The following WDPCP variants were observed in gnomAD, a reference collection of about 807,000 sequenced individuals.
The protein encoded by WDPCP is WD repeat-containing and planar cell polarity effector protein fritz homolog.
Under a neutral mutation model 93.1 loss-of-function variants are expected in WDPCP, and 71 were observed. The observed-to-expected ratio is 0.76, with a 90% CI of 0.63 to 0.93. The LOEUF (loss-of-function observed/expected upper bound fraction) is 0.93. Ranked by LOEUF, WDPCP falls within the 40% of genes least tolerant of loss-of-function variation. The pLI is 0.00. For synonymous variants in WDPCP, 315 were observed against 315.0 expected, an observed-to-expected ratio of 1.00 and a Z score of 0.00; for missense variants, 844 against 887.4, an observed-to-expected ratio of 0.95 and a Z score of 0.62.
Position 63,594,345 on chromosome 2 carries a change from T to C in WDPCP, n.488+56314A>G, listed in dbSNP as rs748080772. 6.6e-6 allele frequency: 5 copies of C among 762,058 alleles called. No individual in the cohort carries two copies. In the East Asian group the frequency reaches 1.0e-4, roughly 15 times the overall value. 47.2% of individuals were successfully genotyped at this position (762,058 alleles called of 1,614,324 possible). ...CCACGTAAATATGCAGCACATTCAT[T>C]TTCTACTGAGCCAGATGCAAAAGGA... On this transcript the variant is annotated intron_variant and non_coding_transcript_variant, in intron 3 of 4. Transcript: ENST00000467687.
intron 12 of WDPCP, among the ~76,000 whole-genome samples, chr2:63,344,126 C>T (rs1029749504): frequency 4.6e-5 from 7 of 152,008 alleles, no homozygotes; most frequent in Non-Finnish European, 1.0e-4. Context: ...AATGTTATAA[C>T]TCTGGAAATC....
At chr2:63,300,705 T>A (rs1301635108) in intron 13 of WDPCP, among the ~76,000 whole-genome samples, 1 of 152,240 alleles carries the variant, frequency 6.6e-6, no homozygotes, top group Non-Finnish European at 1.5e-5. Context: ...AGAGAATGTC[T>A]AGTAACTGGG....
intron 2 of WDPCP, among the ~76,000 whole-genome samples, chr2:63,797,689 T>C (rs1303919008): frequency 6.6e-6 from 1 of 150,764 alleles, no homozygotes; most frequent in Non-Finnish European, 1.5e-5. Flanking sequence ...ATCTAGAAAA[T>C]AGGCTCAAAA....
At chr2:63,466,625 T>C (rs959529706) in intron 6 of WDPCP, among the ~76,000 whole-genome samples, 2 of 152,210 alleles carry the variant, frequency 1.3e-5, no homozygotes, top group Non-Finnish European at 2.9e-5. Context: ...ATTAAAGTCT[T>C]CTCATTAGCT....
intron 2 of WDPCP, among the ~76,000 whole-genome samples, chr2:63,807,639 C>T (rs912044098): frequency 6.6e-6 from 1 of 152,190 alleles, no homozygotes; most frequent in Non-Finnish European, 1.5e-5. Flanking sequence ...TTACTAATCT[C>T]TCACAAACAT....
chr2:63,575,534 A>ATAGTATATACAGTGTATG lies in WDPCP; in HGVS notation c.75+12662_75+12663insCATACACTGTATATACTA, dbSNP rs1558833675. On this transcript the variant is annotated intron_variant, in intron 1 of 17. Coordinates refer to ENST00000272321, the MANE Select transcript of WDPCP (RefSeq NM_015910.7). ...TGTATATATAGTATATACAGTATAT[A>ATAGTATATACAGTGTATG]CACTGTATATATAGTATATACAGTA... Among the ~76,000 whole-genome samples the ATAGTATATACAGTGTATG allele has an allele frequency of 6.8e-4, 16 of 23,632 alleles. 5 individuals are homozygous for ATAGTATATACAGTGTATG. The highest frequency in any genetic ancestry group is 2.4e-3 in the South Asian group (1 of 422). 15.5% of individuals were successfully genotyped at this position (23,632 alleles called of 152,430 possible).
chr2:63,461,358 C>T (rs1698995411), intron 6 of WDPCP, among the ~76,000 whole-genome samples: 1 of 152,026 alleles, frequency 6.6e-6, no homozygotes, highest in Admixed American at 6.6e-5. Context: ...GTAGCACCTC[C>T]CATCCCTACT....
chr2:63,567,140 A>G (rs78148195), intron 1 of WDPCP, among the ~76,000 whole-genome samples: 2,454 of 152,304 alleles, frequency 0.016, 77 homozygotes, highest in African/African-American at 0.056. Context: ...TAGTGGCGTT[A>G]AAGGTTTCAT....
At chr2:63,195,015 A>G (rs763391540) in intron 14 of WDPCP, among the ~76,000 whole-genome samples, 1 of 152,166 alleles carries the variant, frequency 6.6e-6, no homozygotes, top group Non-Finnish European at 1.5e-5. Flanking sequence ...TCAAAAATGT[A>G]TGGTAATTTT....
intron 14 of WDPCP, among the ~76,000 whole-genome samples, chr2:63,189,141 G>A (rs770730646): frequency 6.6e-6 from 1 of 152,144 alleles, no homozygotes; most frequent in Non-Finnish European, 1.5e-5. Context: ...GAGCCTGCCT[G>A]CAGAACCGCA....
chr2:63,524,065 G>A lies in WDPCP; in HGVS notation c.76-31125C>T, dbSNP rs117860883. Among the ~76,000 whole-genome samples the A allele has an allele frequency of 3.1e-3, 475 of 152,152 alleles. 18 individuals are homozygous for A. The East Asian group carries it at 0.081, about 26-fold the overall frequency. On this transcript the variant is annotated intron_variant, in intron 1 of 17. Transcript: ENST00000272321. ...AGGAATAAAGCTGACCAGAGAAGTG[G>A]AACACCTCCACAATGAGAATTGCAA...
At chr2:63,264,728 TA>T (rs1374547958) in intron 13 of WDPCP, among the ~76,000 whole-genome samples, 3 of 152,272 alleles carry the variant, frequency 2.0e-5, no homozygotes, top group African/African-American at 7.2e-5. Flanking sequence ...AAAATGGACC[TA>T]ACAGATATTT....
At chr2:63,500,387 G>A (rs1701468358) in intron 1 of WDPCP, among the ~76,000 whole-genome samples, 1 of 151,852 alleles carries the variant, frequency 6.6e-6, no homozygotes, top group Non-Finnish European at 1.5e-5. Flanking sequence ...CCAATAAAGA[G>A]TCAATTTAAA....
At chr2:63,676,109 G>T (rs1260563754) in intron 2 of WDPCP, among the ~76,000 whole-genome samples, 1 of 152,084 alleles carries the variant, frequency 6.6e-6, no homozygotes, top group South Asian at 2.1e-4. Context: ...GCACTGATAA[G>T]AATCACACAA....
At chr2:63,221,139 T>G (rs900188401) in intron 14 of WDPCP, among the ~76,000 whole-genome samples, 3 of 152,202 alleles carry the variant, frequency 2.0e-5, no homozygotes, top group African/African-American at 7.2e-5. Context: ...TCTTTGCTAT[T>G]GTGAATAGTA....
chr2:63,696,422 C>T (rs149802248), intron 2 of WDPCP, among the ~76,000 whole-genome samples: 23 of 152,286 alleles, frequency 1.5e-4, no homozygotes, highest in African/African-American at 4.8e-4. Context: ...CAGATAACTA[C>T]GCCCGTTCTA....
intron 11 of WDPCP, among the ~76,000 whole-genome samples, chr2:63,380,065 C>T (rs1692173765): frequency 1.3e-5 from 2 of 152,084 alleles, no homozygotes; most frequent in Admixed American, 1.3e-4. Flanking sequence ...TCCTATAACA[C>T]AGTAATCTTA....
intron 13 of WDPCP, among the ~76,000 whole-genome samples, chr2:63,311,216 G>C (rs950399269): frequency 1.3e-5 from 2 of 152,140 alleles, no homozygotes; most frequent in Non-Finnish European, 2.9e-5. Context: ...TTTAGCAAGA[G>C]ATATCTCAAG....
intron 12 of WDPCP, among the ~76,000 whole-genome samples, chr2:63,328,146 T>C (rs1687702817): frequency 6.6e-6 from 1 of 152,096 alleles, no homozygotes; most frequent in African/African-American, 2.4e-5. Flanking sequence ...CAACCAGCAC[T>C]CTGTGTCTAG....
Sources: gnomAD v4.1 joint callset for allele counts (sites outside exome capture counted in the v4.1 genomes callset) on GRCh38, gnomAD v4.1.1 for gene constraint, MANE v1.5 for transcripts, NCBI Gene and HGNC (gene_info 2026-07-23, HGNC 2026-07-21) for gene names.